STK32B: variants seen among roughly 807,000 people sequenced by gnomAD.
STK32B encodes serine/threonine-protein kinase 32B.
Under a neutral mutation model 52.6 loss-of-function variants are expected in STK32B, and 43 were observed. The ratio of observed to expected loss-of-function variants is 0.82; its 90% confidence interval spans 0.64 to 1.05. The LOEUF (loss-of-function observed/expected upper bound fraction) is 1.05. Ranked by LOEUF, STK32B falls within the 50% of genes least tolerant of loss-of-function variation. STK32B has a pLI of 0.00. For missense variants in STK32B, 621 were observed against 534.6 expected, an observed-to-expected ratio of 1.16 and a Z score of -1.59; for synonymous variants, 238 against 204.3, an observed-to-expected ratio of 1.17 and a Z score of -1.41.
At chr4:5,344,595 T>C (rs1001023269) in intron 4 of STK32B, among the ~76,000 whole-genome samples, 2 of 152,168 alleles carry the variant, frequency 1.3e-5, no homozygotes, top group African/African-American at 2.4e-5. Flanking sequence ...ATTAAATCAG[T>C]TATTTATGAA....
At chr4:5,225,077 G>A (rs1046868714) in intron 3 of STK32B, among the ~76,000 whole-genome samples, 2 of 152,058 alleles carry the variant, frequency 1.3e-5, no homozygotes, top group African/African-American at 2.4e-5. Context: ...TGAGGACCTC[G>A]AAGAGAATGT....
intron 3 of STK32B, among the ~76,000 whole-genome samples, chr4:5,202,530 A>G (rs1322941497): frequency 1.3e-5 from 2 of 152,196 alleles, no homozygotes; most frequent in Admixed American, 1.3e-4. Flanking sequence ...GAGGGTCTCA[A>G]CCCCATGTTT....
chr4:5,445,549 C>G (rs1715322790), intron 6 of STK32B, among the ~76,000 whole-genome samples: 1 of 152,076 alleles, frequency 6.6e-6, no homozygotes, highest in South Asian at 2.1e-4. Flanking sequence ...ACCACTCAGC[C>G]CCTTGGAGAG....
chr4:5,442,296 G>T (rs1714859463), intron 6 of STK32B, among the ~76,000 whole-genome samples: 1 of 151,836 alleles, frequency 6.6e-6, no homozygotes. Flanking sequence ...TCCTGTATTG[G>T]TTGCATATAT....
At chr4:5,418,450 G>A (rs1026272467) in intron 6 of STK32B, among the ~76,000 whole-genome samples, 1 of 152,204 alleles carries the variant, frequency 6.6e-6, no homozygotes, top group Non-Finnish European at 1.5e-5. Context: ...AATCAGTGCT[G>A]CACAAAGGTG....
At chr4:5,232,144 A>G (rs1418138380) in intron 3 of STK32B, among the ~76,000 whole-genome samples, 1 of 152,146 alleles carries the variant, frequency 6.6e-6, no homozygotes, top group Non-Finnish European at 1.5e-5. Flanking sequence ...TTGATAGTGA[A>G]GGCTATGGGG....
At chr4:5,493,129 G>C (rs1464997570) in intron 11 of STK32B, among the ~76,000 whole-genome samples, 3 of 151,566 alleles carry the variant, frequency 2.0e-5, no homozygotes, top group Admixed American at 6.6e-5. Context: ...TTTTTCTATT[G>C]ATTGGAATAG....
intron 2 of STK32B, among the ~76,000 whole-genome samples, chr4:5,151,661 C>A (rs557231160): frequency 6.6e-6 from 1 of 152,162 alleles, no homozygotes; most frequent in African/African-American, 2.4e-5. Flanking sequence ...AGTTGAGGCA[C>A]ACCACATTAA....
intron 3 of STK32B, among the ~76,000 whole-genome samples, chr4:5,253,480 T>G (rs1726080863): frequency 6.6e-6 from 1 of 152,090 alleles, no homozygotes; most frequent in South Asian, 2.1e-4. Context: ...GCTCAAGCGA[T>G]TCTCCTGCCT....
chr4:5,319,826 A>G (rs564674973), intron 3 of STK32B, among the ~76,000 whole-genome samples: 6 of 152,184 alleles, frequency 3.9e-5, no homozygotes, highest in Non-Finnish European at 8.8e-5. Flanking sequence ...GCTCTGCCCA[A>G]AGTCACAGGG....
At chr4:5,113,237 C>T (rs1336506038) in intron 1 of STK32B, among the ~76,000 whole-genome samples, 1 of 152,112 alleles carries the variant, frequency 6.6e-6, no homozygotes, top group African/African-American at 2.4e-5. Context: ...TCTCTTTCAC[C>T]ATGTGAGGAC....
intron 5 of STK32B, among the ~76,000 whole-genome samples, chr4:5,412,748 C>T (rs1711802617): frequency 6.6e-6 from 1 of 152,128 alleles, no homozygotes; most frequent in African/African-American, 2.4e-5. Flanking sequence ...AGTTATTAAC[C>T]CTAAATAACA....
chr4:5,483,208 A>G (rs1440815325), intron 11 of STK32B, among the ~76,000 whole-genome samples: 1 of 151,518 alleles, frequency 6.6e-6, no homozygotes, highest in African/African-American at 2.4e-5. Flanking sequence ...CTGTGAATCC[A>G]TCTGGTCCTG....
At chr4:5,196,839 C>T (rs1473134520) in intron 3 of STK32B, among the ~76,000 whole-genome samples, 1 of 152,144 alleles carries the variant, frequency 6.6e-6, no homozygotes, top group Non-Finnish European at 1.5e-5. Flanking sequence ...AGGAATAAAT[C>T]CAGATCTAGG....
intron 3 of STK32B, among the ~76,000 whole-genome samples, chr4:5,248,264 C>T (rs558373359): frequency 6.6e-6 from 1 of 152,264 alleles, no homozygotes; most frequent in East Asian, 1.9e-4. Context: ...CTCTGTAATA[C>T]ATGTTATTTT....
intron 1 of STK32B, among the ~76,000 whole-genome samples, chr4:5,081,419 G>A (rs1712422382): frequency 6.6e-6 from 1 of 152,052 alleles, no homozygotes; most frequent in Non-Finnish European, 1.5e-5. Context: ...CGCATATTTG[G>A]AGTGTTTTCA....
intron 4 of STK32B, among the ~76,000 whole-genome samples, chr4:5,363,924 C>G (rs936062857): frequency 1.4e-4 from 21 of 152,126 alleles, no homozygotes; most frequent in African/African-American, 4.8e-4. Flanking sequence ...TCAGCAGTTT[C>G]AAAATATGTA....
At chr4:5,321,339 CCTTTCCCATT>C (rs2108938440) in intron 3 of STK32B, among the ~76,000 whole-genome samples, 1 of 152,164 alleles carries the variant, frequency 6.6e-6, no homozygotes, top group African/African-American at 2.4e-5. Context: ...TATCATTTAT[CCTTTCCCATT>C]CTTTCATTCA....
At chr4:5,294,032 T>C (rs895262556) in intron 3 of STK32B, among the ~76,000 whole-genome samples, 2 of 152,178 alleles carry the variant, frequency 1.3e-5, no homozygotes, top group Non-Finnish European at 2.9e-5. Context: ...CAAAACCATT[T>C]ATTAAATAGG....
Sources: allele counts gnomAD v4.1 joint callset (sites outside exome capture counted in the v4.1 genomes callset), GRCh38; gene constraint gnomAD v4.1.1; transcripts MANE v1.5; gene names NCBI Gene and HGNC (gene_info 2026-07-23, HGNC 2026-07-21).